Variants in AQR observed in about 807,000 individuals in gnomAD.
AQR encodes the protein RNA helicase aquarius.
A neutral mutation model predicts 180.5 loss-of-function variants in AQR; 61 were observed. That is an observed-to-expected ratio of 0.34 (90% CI 0.28 to 0.42). The LOEUF (loss-of-function observed/expected upper bound fraction) is 0.42. Among genes scored for constraint, AQR ranks in the 10% least tolerant of loss-of-function variants. The probability of loss-of-function intolerance (pLI) is 1.00; values close to 1 mark genes in which losing one functional copy is unlikely to be tolerated. For synonymous variants in AQR, 551 were observed against 588.8 expected (o/e 0.94, Z 0.93); for missense variants, 1,281 against 1,798.3 (o/e 0.71, Z 5.20).
chr15:34,948,796 C>CAAA (rs761369190), intron 4 of AQR, among the ~76,000 whole-genome samples: 151 of 91,716 alleles, frequency 1.6e-3, no homozygotes, highest in Non-Finnish European at 2.3e-3. Context: ...GACTCCATCT[C>CAAA]AAAAAAAAAA....
rs903196246 is a variant in AQR, at chr15:34,855,627, T to G, written c.*1165A>C. ...AAACATTAGTCACATTCACTGGTAATTCTACATTATAGCCTCATTCATGTG... is the reference window on the plus strand; with the variant it reads ...AAACATTAGTCACATTCACTGGTAAGTCTACATTATAGCCTCATTCATGTG... On this transcript the variant is annotated 3_prime_UTR_variant, in exon 35 of 35. Coordinates refer to ENST00000156471, the MANE Select transcript of AQR (RefSeq NM_014691.3). 2 of 152,004 alleles carry G rather than the reference T, an allele frequency of 1.3e-5. No homozygotes were observed. The highest frequency in any genetic ancestry group is 2.9e-5 in the Non-Finnish European group (2 of 68,016). 9.4% of individuals were successfully genotyped at this position (152,004 alleles called of 1,614,324 possible).
chr15:34,936,042 T>C (rs552467996), intron 9 of AQR, among the ~76,000 whole-genome samples: 1 of 152,206 alleles, frequency 6.6e-6, no homozygotes, highest in Non-Finnish European at 1.5e-5. Flanking sequence ...TAAAGTTGCA[T>C]GTTTTTTTAT....
At chr15:34,907,410 G>A (rs1239899263) in intron 17 of AQR, among the ~76,000 whole-genome samples, 2 of 152,166 alleles carry the variant, frequency 1.3e-5, no homozygotes, top group African/African-American at 4.8e-5. Context: ...TATAAAATTA[G>A]ACCTCACAGC....
At chr15:34,910,045 T>C (rs1312212145) in intron 17 of AQR, 90 bp downstream of exon 17, 2 of 1,427,928 alleles carry the variant, frequency 1.4e-6, no homozygotes, top group Non-Finnish European at 1.9e-6. Flanking sequence ...CTTTAAAGGA[T>C]AACATTTAGT....
intron 27 of AQR, 139 bp downstream of exon 27, chr15:34,882,363 A>G: frequency 1.1e-6 from 1 of 937,820 alleles, no homozygotes; most frequent in Non-Finnish European, 1.4e-6. Flanking sequence ...AGAGTTCACT[A>G]ATCATGTAAA....
At chr15:34,888,727 C>A (rs748888552) in intron 24 of AQR, among the ~76,000 whole-genome samples, 10 of 152,102 alleles carry the variant, frequency 6.6e-5, no homozygotes, top group Non-Finnish European at 1.5e-4. Flanking sequence ...ATAAAAATTA[C>A]AAATAACAGC....
intron 31 of AQR, among the ~76,000 whole-genome samples, chr15:34,870,483 A>G (rs1374235421): frequency 6.6e-6 from 1 of 152,170 alleles, no homozygotes; most frequent in Non-Finnish European, 1.5e-5. Flanking sequence ...CAGTACACAT[A>G]TTATAATGTA....
intron 24 of AQR, 43 bp downstream of exon 24, chr15:34,890,171 TA>T: frequency 6.7e-7 from 1 of 1,499,718 alleles, no homozygotes; most frequent in Non-Finnish European, 9.1e-7. Flanking sequence ...GAAAAGAAAA[TA>T]AAAAATCCTT....
chr15:34,914,592 G>T (rs1385485418), intron 16 of AQR, among the ~76,000 whole-genome samples: 1 of 152,150 alleles, frequency 6.6e-6, no homozygotes, highest in Non-Finnish European at 1.5e-5. Flanking sequence ...CCCTAGAGAG[G>T]CTGCCTGAGA....
intron 5 of AQR, among the ~76,000 whole-genome samples, chr15:34,945,287 T>C (rs1469155656): frequency 6.6e-6 from 1 of 152,210 alleles, no homozygotes; most frequent in African/African-American, 2.4e-5. Flanking sequence ...TTCAACAGTT[T>C]TGTATCCTCC....
intron 11 of AQR, among the ~76,000 whole-genome samples, chr15:34,930,919 CTCCGCCTCCCAGGT>C (rs1227941838): frequency 7.4e-5 from 11 of 149,184 alleles, no homozygotes; most frequent in African/African-American, 2.8e-4. Context: ...TCACTGCAAG[CTCCGCCTCCCAGGT>C]TCACGCCATT....
chr15:34,903,628 A>G (rs1244527988), intron 19 of AQR, among the ~76,000 whole-genome samples: 2 of 152,180 alleles, frequency 1.3e-5, no homozygotes, highest in Non-Finnish European at 2.9e-5. Flanking sequence ...AAATCACAAC[A>G]ACAGGGTTAC....
intron 1 of AQR, among the ~76,000 whole-genome samples, chr15:34,968,657 G>C (rs1333271026): frequency 6.6e-6 from 1 of 152,208 alleles, no homozygotes; most frequent in East Asian, 1.9e-4. Context: ...AGCAGAGCAA[G>C]AGGAAGGACA....
intron 5 of AQR, among the ~76,000 whole-genome samples, chr15:34,946,398 C>T (rs147365140): frequency 0.012 from 1,750 of 149,366 alleles, 45 homozygotes; most frequent in African/African-American, 0.04. Context: ...GTCAGCCCCC[C>T]GCCCGGCCAG....
intron 23 of AQR, among the ~76,000 whole-genome samples, chr15:34,890,761 A>C (rs947297627): frequency 1.3e-4 from 20 of 152,226 alleles, no homozygotes; most frequent in Non-Finnish European, 2.1e-4. Flanking sequence ...AGGTGGAAAC[A>C]TAAATTGCAT....
intron 29 of AQR, 126 bp from the exon 30 acceptor site, chr15:34,874,125 CT>C: frequency 1.0e-6 from 1 of 994,164 alleles, no homozygotes; most frequent in Admixed American, 3.4e-5. Flanking sequence ...TTTGGCTCAT[CT>C]TTTAAGCAAT....
chr15:34,906,836 G>A, intron 17 of AQR, 124 bp from the exon 18 acceptor site: 2 of 816,802 alleles, frequency 2.4e-6, no homozygotes, highest in Non-Finnish European at 3.7e-6. Flanking sequence ...AGTGACCAAT[G>A]ATTATTATCG....
In AQR at chr15:34,942,172, G is replaced by C. The variant is rs188822826; in HGVS notation, c.472-92C>G. ...GAAGTATACTGCCTTTTTAAGTCCT[G>C]GAGGGAAAACATGCCACAAATATTT... is the stretch of plus-strand genomic sequence containing the variant. On this transcript the variant is annotated intron_variant, in intron 6 of 34. Coordinates refer to ENST00000156471, the MANE Select transcript of AQR (RefSeq NM_014691.3). 622 of 812,018 alleles carry C rather than the reference G, an allele frequency of 7.7e-4. 2 individuals carry two copies. In the African/African-American group the frequency reaches 9.7e-3, roughly 13 times the overall value. 50.3% of individuals were successfully genotyped at this position (812,018 alleles called of 1,614,324 possible).
intron 32 of AQR, 127 bp from the exon 33 acceptor site, chr15:34,863,168 A>AG: frequency 2.4e-6 from 2 of 850,326 alleles, no homozygotes; most frequent in Non-Finnish European, 1.7e-6. Flanking sequence ...AAGCTTCTTA[A>AG]AAACTTAATA....
Sources: allele counts gnomAD v4.1 joint callset (sites outside exome capture counted in the v4.1 genomes callset), GRCh38; gene constraint gnomAD v4.1.1; transcripts MANE v1.5; gene names NCBI Gene and HGNC (gene_info 2026-07-23, HGNC 2026-07-21).